COP1: variants seen among roughly 807,000 people sequenced by gnomAD.
COP1 encodes the protein E3 ubiquitin-protein ligase COP1.
A neutral mutation model predicts 101.3 loss-of-function variants in COP1; 24 were observed. The ratio of observed to expected loss-of-function variants is 0.24; its 90% CI spans 0.17 to 0.33. The LOEUF (loss-of-function observed/expected upper bound fraction) is 0.33, where lower values mean the gene tolerates loss of function less well. Among genes scored for constraint, COP1 ranks in the 10% least tolerant of loss-of-function variants. The pLI, the probability that COP1 is intolerant of heterozygous loss-of-function variation, is 1.00. For synonymous variants in COP1, 347 were observed against 341.9 expected (o/e 1.01, Z -0.17); for missense variants, 663 against 906.2 (o/e 0.73, Z 3.45).
At chr1:176,032,537 TC>T (rs905721853) in intron 14 of COP1, among the ~76,000 whole-genome samples, 5 of 152,064 alleles carry the variant, frequency 3.3e-5, no homozygotes, top group African/African-American at 1.2e-4. Flanking sequence ...TGGCTCAGTC[TC>T]AACACACTGC....
At chr1:175,988,879 T>C (rs1657756404) in intron 16 of COP1, 1 of 156,660 alleles carries the variant, frequency 6.4e-6, no homozygotes, top group Non-Finnish European at 1.4e-5. Flanking sequence ...CACCATGAAA[T>C]CACAGATAAA....
chr1:176,147,673 A>G (rs1353465172), intron 6 of COP1, among the ~76,000 whole-genome samples: 1 of 152,242 alleles, frequency 6.6e-6, no homozygotes, highest in Middle Eastern at 3.2e-3. Flanking sequence ...TTCATCCAGA[A>G]GTTTAATAAC....
intron 15 of COP1, among the ~76,000 whole-genome samples, chr1:176,001,176 T>C (rs1042966422): frequency 6.6e-6 from 1 of 152,130 alleles, no homozygotes. Flanking sequence ...TGATTTTTAC[T>C]GTGAAAATAA....
At chr1:176,053,008 G>GA (rs369652067) in intron 11 of COP1, among the ~76,000 whole-genome samples, 72 of 145,086 alleles carry the variant, frequency 5.0e-4, no homozygotes, top group South Asian at 1.5e-3. Context: ...CAATGCTGGG[G>GA]AAAAAAAAAA....
intron 18 of COP1, among the ~76,000 whole-genome samples, chr1:175,956,875 G>A (rs1388399074): frequency 6.6e-6 from 1 of 152,158 alleles, no homozygotes; most frequent in East Asian, 1.9e-4. Context: ...CTCTATGTGT[G>A]TTATTGTCCC....
chr1:176,157,242 T>C (rs1693612111), intron 5 of COP1, among the ~76,000 whole-genome samples: 1 of 152,102 alleles, frequency 6.6e-6, no homozygotes, highest in African/African-American at 2.4e-5. Context: ...CCACACTACA[T>C]AATCATATTT....
intron 9 of COP1, among the ~76,000 whole-genome samples, chr1:176,099,425 A>T (rs947665583): frequency 6.6e-6 from 1 of 152,120 alleles, no homozygotes; most frequent in African/African-American, 2.4e-5. Flanking sequence ...TTCATAGTCA[A>T]GGAAACTTAT....
intron 9 of COP1, among the ~76,000 whole-genome samples, chr1:176,097,227 G>GAAA (rs555240474): frequency 1.4e-5 from 2 of 147,646 alleles, no homozygotes; most frequent in African/African-American, 5.0e-5. Flanking sequence ...TTGTTTTGTT[G>GAAA]AAAAAAAAAC....
At chr1:176,123,657 G>A (rs1475425412) in intron 8 of COP1, among the ~76,000 whole-genome samples, 5 of 152,122 alleles carry the variant, frequency 3.3e-5, no homozygotes, top group Non-Finnish European at 7.4e-5. Context: ...TTTATCTGAG[G>A]TATTTCAAAG....
intron 1 of COP1, among the ~76,000 whole-genome samples, chr1:176,201,655 T>A (rs570218257): frequency 1.3e-5 from 2 of 152,328 alleles, no homozygotes; most frequent in African/African-American, 4.8e-5. Flanking sequence ...AGTCTTCCTA[T>A]CCTGTTTCAT....
intron 9 of COP1, among the ~76,000 whole-genome samples, chr1:176,094,357 T>C (rs1371529356): frequency 4.0e-5 from 6 of 151,546 alleles, no homozygotes; most frequent in African/African-American, 1.4e-4. Flanking sequence ...TATGCCAGTT[T>C]AATTATTAAA....
At chr1:176,058,729 G>T (rs925876141) in intron 11 of COP1, among the ~76,000 whole-genome samples, 1 of 147,214 alleles carries the variant, frequency 6.8e-6, no homozygotes, top group Non-Finnish European at 1.5e-5. Context: ...ATCCCCCTCT[G>T]CGAGAAACAC....
At chr1:176,109,184 A>C (rs1010481249) in intron 9 of COP1, among the ~76,000 whole-genome samples, 3 of 152,116 alleles carry the variant, frequency 2.0e-5, no homozygotes, top group African/African-American at 7.2e-5. Context: ...TACTTGCCCT[A>C]ATTATGACGC....
chr1:176,041,740 T>G (rs1670574961), intron 14 of COP1, among the ~76,000 whole-genome samples: 1 of 151,882 alleles, frequency 6.6e-6, no homozygotes, highest in Non-Finnish European at 1.5e-5. Context: ...TCGAGGTGGG[T>G]AGATCACTGG....
chr1:175,998,989 TG>T (rs1406150425), intron 15 of COP1, among the ~76,000 whole-genome samples: 1 of 152,108 alleles, frequency 6.6e-6, no homozygotes, highest in African/African-American at 2.4e-5. Context: ...GCACAACTGA[TG>T]GGTTTCTATG....
intron 6 of COP1, among the ~76,000 whole-genome samples, chr1:176,143,478 AGAG>A (rs958953701): frequency 2.0e-5 from 3 of 152,196 alleles, no homozygotes; most frequent in Admixed American, 6.5e-5. Context: ...AAATTTAAAA[AGAG>A]GATACATTTC....
intron 1 of COP1, among the ~76,000 whole-genome samples, chr1:176,188,425 T>G (rs1368375883): frequency 2.6e-5 from 4 of 152,114 alleles, no homozygotes; most frequent in African/African-American, 9.7e-5. Context: ...AACAGTAGGT[T>G]AAGGGAAAAA....
chr1:176,171,909 C>A lies in COP1; in HGVS notation c.565+4001G>T, dbSNP rs142600567. On this transcript the variant is annotated intron_variant, in intron 3 of 19. Coordinates refer to ENST00000367669, the MANE Select transcript of COP1 (RefSeq NM_022457.7). ...TTTCTGGTATTGAATAAAAAGCTTACTTATATATTTTTAAATCAATATTTA... is the reference window on the plus strand; with the variant it reads ...TTTCTGGTATTGAATAAAAAGCTTAATTATATATTTTTAAATCAATATTTA... Among the ~76,000 whole-genome samples the A allele has an allele frequency of 1.1e-4, 17 of 152,238 alleles. 1 individual carries two copies. In the South Asian group the frequency reaches 3.3e-3, roughly 30 times the overall value.
chr1:176,001,999 A>T (rs1294084866), intron 15 of COP1, among the ~76,000 whole-genome samples: 1 of 152,084 alleles, frequency 6.6e-6, no homozygotes, highest in East Asian at 1.9e-4. Context: ...GTACTTGCTG[A>T]GCAACTTTTT....
Sources: gnomAD v4.1 joint callset for allele counts (sites outside exome capture counted in the v4.1 genomes callset) on GRCh38, gnomAD v4.1.1 for gene constraint, MANE v1.5 for transcripts, NCBI Gene and HGNC (gene_info 2026-07-23, HGNC 2026-07-21) for gene names.